PHACTR2: variants seen among roughly 807,000 people sequenced by gnomAD.
The protein encoded by PHACTR2 is chromosome 6 open reading frame 56.
In PHACTR2, 30 loss-of-function variants were observed where a neutral mutation model predicts 76.0. The observed-to-expected ratio is 0.39, with a 90% CI of 0.30 to 0.54. PHACTR2 has a LOEUF of 0.54. Among genes scored for constraint, PHACTR2 ranks in the 20% least tolerant of loss-of-function variants. The pLI is 0.61. For missense variants in PHACTR2, 696 were observed against 781.1 expected, an observed-to-expected ratio of 0.89 and a Z score of 1.30; for synonymous variants, 292 against 292.5, an observed-to-expected ratio of 1.00 and a Z score of 0.02.
chr6:143,802,665 T>C (rs1023602920), intron 11 of PHACTR2, among the ~76,000 whole-genome samples: 2 of 83,622 alleles, frequency 2.4e-5, no homozygotes, highest in Non-Finnish European at 5.4e-5. Context: ...AAAAAAAAAA[T>C]CAGTCCTAAT....
rs189027831 is a variant in PHACTR2 at position 143,792,281 on chromosome 6, G to C, written c.1845+3371G>C. Among the ~76,000 whole-genome samples, 25 of 151,918 alleles carry C rather than the reference G, an allele frequency of 1.6e-4. No homozygotes were observed. In the East Asian group the frequency reaches 4.8e-3, roughly 29 times the overall value. The stretch of plus-strand genomic sequence containing the variant: ...TTCCCAGCTGTTTAGTACATTTAAA[G>C]CAGTTTTTAGATGCCATGTTTAGCA... On this transcript the variant is annotated intron_variant, in intron 11 of 12. Transcript: ENST00000440869.
chr6:143,576,127 A>G (rs1384905991), intron 1 of PHACTR2, among the ~76,000 whole-genome samples: 2 of 152,220 alleles, frequency 1.3e-5, no homozygotes, highest in Non-Finnish European at 2.9e-5. Flanking sequence ...GGAAACTTGG[A>G]GCATCTGCAA....
intron 1 of PHACTR2, among the ~76,000 whole-genome samples, chr6:143,669,503 G>T (rs1016670743): frequency 6.6e-6 from 1 of 152,190 alleles, no homozygotes; most frequent in East Asian, 1.9e-4. Flanking sequence ...TTGCATGGGA[G>T]TCTAAGTCTC....
chr6:143,736,403 C>T (rs1778820405), intron 2 of PHACTR2, among the ~76,000 whole-genome samples: 1 of 152,024 alleles, frequency 6.6e-6, no homozygotes, highest in African/African-American at 2.4e-5. Context: ...AATCCCTATA[C>T]TATGCTGCCT....
At chr6:143,713,515 G>A (rs751937305) in intron 2 of PHACTR2, among the ~76,000 whole-genome samples, 1 of 152,160 alleles carries the variant, frequency 6.6e-6, no homozygotes, top group Non-Finnish European at 1.5e-5. Flanking sequence ...TGGTTATTGG[G>A]TCCTCTTCAG....
At position 143,722,900 on chromosome 6, in the gene PHACTR2, T is replaced by A. The variant is rs1309408666; in HGVS notation, c.214+10717T>A. On this transcript the variant is annotated intron_variant, in intron 2 of 12. Coordinates refer to ENST00000440869, the MANE Select transcript of PHACTR2 (RefSeq NM_001100164.2). The surrounding 1 kb of genome is among the most constrained non-coding windows in gnomAD (Gnocchi z 4.1). The stretch of plus-strand genomic sequence containing the variant: ...GCTTATTTTACTTAACATAATGTCC[T>A]TCAGTTCCATCCGTGTTGCTACAAA... Among the ~76,000 whole-genome samples the A allele has an allele frequency of 6.6e-6, 1 of 152,236 alleles. No homozygotes were observed.
In PHACTR2 at chr6:143,664,526, T is replaced by A. The variant is rs1777000390; in HGVS notation, c.14-47490T>A. Among the ~76,000 whole-genome samples the A allele has an allele frequency of 6.6e-6, 1 of 152,212 alleles. No homozygotes were observed. Among genetic ancestry groups the A allele is most frequent in the Admixed American group, 6.5e-5 (1 of 15,288 alleles). On this transcript the variant is annotated intron_variant, in intron 1 of 11. Transcript: ENST00000305766. The surrounding 1 kb of genome is among the most constrained non-coding windows in gnomAD (Gnocchi z 5.1). ...AGTGAAGCTTTCTTTAATCCCCTTC[T>A]TTTGTTTAGTGATTTGGAAGCTTAT...
chr6:143,681,360 G>A (rs1410992805), intron 1 of PHACTR2, among the ~76,000 whole-genome samples: 1 of 151,998 alleles, frequency 6.6e-6, no homozygotes, highest in African/African-American at 2.4e-5. Context: ...ATGACCTTGA[G>A]CATCTTTTCA....
At chr6:143,564,897 T>C (rs1057391014) in intron 1 of PHACTR2, among the ~76,000 whole-genome samples, 1 of 110,692 alleles carries the variant, frequency 9.0e-6, no homozygotes, top group African/African-American at 3.1e-5. Context: ...GATACATGAA[T>C]AGTGATCACA....
At chr6:143,628,924 G>T (rs11155312) in intron 1 of PHACTR2, among the ~76,000 whole-genome samples, 6,381 of 33,764 alleles carry the variant, frequency 0.19, 1,259 homozygotes, top group South Asian at 0.33. Flanking sequence ...AAATGCAGGA[G>T]ATATATATAT....
Position 143,653,664 on chromosome 6 carries a change from T to C in PHACTR2, c.13+45342T>C, listed in dbSNP as rs928239416. ...CAGTGCTAGGGCAACTAGATATCTA[T>C]GTGAAGAAGAATAAAGTGAGAACTC... On this transcript the variant is annotated intron_variant, in intron 1 of 11. Transcript: ENST00000305766. This position sits in a 1 kb window ranked among gnomAD's most constrained non-coding sequence, Gnocchi z 4.9. Among the ~76,000 whole-genome samples the C allele has an allele frequency of 6.6e-6, 1 of 151,596 alleles. No individual in the cohort carries two copies.
At position 143,554,670 on chromosome 6, in the gene PHACTR2, T is replaced by TTAAA. The variant is rs1342128632; in HGVS notation, c.217+17463_217+17464insTAAA. On this transcript the variant is annotated intron_variant, in intron 1 of 11. Transcript: ENST00000367584. The surrounding 1 kb of genome is among the most constrained non-coding windows in gnomAD (Gnocchi z 5.9). The stretch of plus-strand genomic sequence containing the variant: ...TTTAGCAGGGCTTTTGTTAAAACTG[T>TTAAA]ATTTTACGAGGAAGTGCCCAGATGG... The TTAAA allele has an allele frequency of 6.6e-6, 1 of 152,174 alleles. No homozygotes were observed. The highest frequency in any genetic ancestry group is 1.5e-5 in the Non-Finnish European group (1 of 68,042). The allele number at this position is 152,174 out of a possible 1,614,324, so 9.4% of individuals were successfully genotyped here.
At chr6:143,614,275 T>C (rs938266798) in intron 1 of PHACTR2, among the ~76,000 whole-genome samples, 3 of 152,158 alleles carry the variant, frequency 2.0e-5, no homozygotes, top group African/African-American at 4.8e-5. Context: ...GGTGCTAATA[T>C]TTGTTGTGAA....
In PHACTR2 at chr6:143,578,276, G is replaced by A. The variant is rs540822842; in HGVS notation, c.217+41069G>A. Among the ~76,000 whole-genome samples, 4 of 152,304 alleles carry A rather than the reference G, an allele frequency of 2.6e-5. No individual in the cohort carries two copies. In the South Asian group the frequency reaches 8.3e-4, roughly 32 times the overall value. On this transcript the variant is annotated intron_variant, in intron 1 of 11. Coordinates refer to the PHACTR2 transcript ENST00000367584. The surrounding 1 kb of genome is among the most constrained non-coding windows in gnomAD (Gnocchi z 4.5). The stretch of plus-strand genomic sequence containing the variant: ...CAGATTTAGCAGTTCCCCTTTGTCA[G>A]TGCAATGCCTCATCCTCCATGTTTC...
intron 1 of PHACTR2, among the ~76,000 whole-genome samples, chr6:143,661,083 T>G (rs1256883011): frequency 6.6e-6 from 1 of 152,142 alleles, no homozygotes; most frequent in East Asian, 1.9e-4. Context: ...ACATAAATAA[T>G]GGAATACAAG....
rs1778116481 is a variant in PHACTR2, at chr6:143,709,289, G to A, written c.47-2727G>A. ...GGACTTGAATCTCCAATTTTCCCTA[G>A]CAATGCACAGTGTCTGCCCATCTCT... On this transcript the variant is annotated intron_variant, in intron 1 of 12. Coordinates refer to ENST00000440869, the MANE Select transcript of PHACTR2 (RefSeq NM_001100164.2). The surrounding 1 kb of genome is among the most constrained non-coding windows in gnomAD (Gnocchi z 4.4). 6.6e-6 allele frequency among the ~76,000 whole-genome samples: 1 copy of A among 152,180 alleles called. No individual in the cohort carries two copies. The highest frequency in any genetic ancestry group is 2.1e-4 in the South Asian group (1 of 4,834).
rs1368749622 is a variant in PHACTR2, at chr6:143,656,954, G to A, written c.13+48632G>A. Among the ~76,000 whole-genome samples the A allele has an allele frequency of 2.0e-5, 3 of 152,096 alleles. No individual in the cohort carries two copies. Among genetic ancestry groups the A allele is most frequent in the Non-Finnish European group, 4.4e-5 (3 of 68,036 alleles). On this transcript the variant is annotated intron_variant, in intron 1 of 11. Transcript: ENST00000305766. The surrounding 1 kb of genome is among the most constrained non-coding windows in gnomAD (Gnocchi z 5.3). Reference sequence around the variant, plus strand: ...AAGTTCAACTTGAACTAAGTTTGATGTGGCTACTTTTTATTTTTTACTTTT... The same window carrying A: ...AAGTTCAACTTGAACTAAGTTTGATATGGCTACTTTTTATTTTTTACTTTT...
intron 1 of PHACTR2, among the ~76,000 whole-genome samples, chr6:143,582,031 G>T (rs1369880534): frequency 6.6e-6 from 1 of 152,072 alleles, no homozygotes; most frequent in Non-Finnish European, 1.5e-5. Context: ...ATGAGGAAAA[G>T]CTAGAAAAAA....
At chr6:143,675,534 C>T (rs185759938), upstream of PHACTR2, among the ~76,000 whole-genome samples, 39 of 152,172 alleles carry the variant, frequency 2.6e-4, no homozygotes, top group Non-Finnish European at 5.0e-4. The surrounding 1 kb of genome is among the most constrained non-coding windows in gnomAD (Gnocchi z 4.9). Context: ...TCTGAGGCCC[C>T]CTCCTGCCTC....
Sources: gnomAD v4.1 joint callset for allele counts (sites outside exome capture counted in the v4.1 genomes callset) on GRCh38, gnomAD v4.1.1 for gene constraint, Gnocchi (gnomAD v3.1) non-coding constraint, MANE v1.5 for transcripts, NCBI Gene and HGNC (gene_info 2026-07-23, HGNC 2026-07-21) for gene names.